The following SHISA9 variants were observed in gnomAD, a reference collection of about 807,000 sequenced individuals.
SHISA9 encodes protein shisa-9.
A neutral mutation model predicts 38.0 loss-of-function variants in SHISA9; 13 were observed. That is an observed-to-expected ratio of 0.34 (90% confidence interval 0.22 to 0.54). The LOEUF (loss-of-function observed/expected upper bound fraction) is 0.54, where lower values mean the gene tolerates loss of function less well. Ranked by LOEUF, SHISA9 falls within the 20% of genes least tolerant of loss-of-function variation. The probability of loss-of-function intolerance (pLI) is 0.91; values close to 1 mark genes in which losing one functional copy is unlikely to be tolerated. For missense variants in SHISA9, 538 were observed against 575.8 expected, an observed-to-expected ratio of 0.93 and a Z score of 0.67; for synonymous variants, 275 against 242.0, an observed-to-expected ratio of 1.14 and a Z score of -1.27.
chr16:13,149,956 G>A lies in SHISA9; in HGVS notation c.692-53438G>A, dbSNP rs368412034. On this transcript the variant is annotated intron_variant, in intron 2 of 4. Transcript: ENST00000558583. Reference sequence around the variant, plus strand: ...AAGAAAAAAAAAAAGGAAAAAAAAAGATAATCATGAAAAGAGCTTAGCACA... The same window carrying A: ...AAGAAAAAAAAAAAGGAAAAAAAAAAATAATCATGAAAAGAGCTTAGCACA... 7.0e-3 allele frequency among the ~76,000 whole-genome samples: 833 copies of A among 119,520 alleles called. 4 individuals carry two copies. Among genetic ancestry groups the A allele is most frequent in the Middle Eastern group, 0.025 (5 of 198 alleles). 78.4% of individuals were successfully genotyped at this position (119,520 alleles called of 152,430 possible).
rs141766278 is a variant in SHISA9 at position 13,142,534 on chromosome 16, A to T, written c.692-60860A>T. Reference sequence around the variant, plus strand: ...AACCGGTAGTCAATACTCAAACTCCAAGTCTTCATATAGAGTTGTCTGTAG... The same window carrying T: ...AACCGGTAGTCAATACTCAAACTCCTAGTCTTCATATAGAGTTGTCTGTAG... On this transcript the variant is annotated intron_variant, in intron 2 of 4. Transcript: ENST00000558583. Among the ~76,000 whole-genome samples the T allele has an allele frequency of 9.9e-5, 15 of 152,208 alleles. No homozygotes were observed. In the East Asian group the frequency reaches 2.7e-3, roughly 27 times the overall value.
chr16:13,060,695 A>G (rs142067790), intron 2 of SHISA9, among the ~76,000 whole-genome samples: 1 of 151,830 alleles, frequency 6.6e-6, no homozygotes, highest in African/African-American at 2.4e-5. Context: ...GGTGGAAGCA[A>G]TGATGTGGGT....
intron 3 of SHISA9, 49 bp downstream of exon 3, chr16:13,203,598 T>A (rs927599956): frequency 1.7e-5 from 24 of 1,412,826 alleles, no homozygotes; most frequent in Admixed American, 3.1e-5. Flanking sequence ...TTCGCTCTCC[T>A]TTGCTGCTTC....
the SHISA9 span, among the ~76,000 whole-genome samples, chr16:13,265,888 T>G: frequency 6.6e-6 from 1 of 152,154 alleles, no homozygotes; most frequent in African/African-American, 2.4e-5. Flanking sequence ...TCCCAAGTGT[T>G]CTGGGTATCA....
chr16:13,007,713 C>T (rs1287060176), intron 2 of SHISA9, among the ~76,000 whole-genome samples: 1 of 152,198 alleles, frequency 6.6e-6, no homozygotes, highest in African/African-American at 2.4e-5. Context: ...CTTCAGCATG[C>T]CTGCCTATGT....
chr16:13,029,359 AT>A (rs60318343), intron 2 of SHISA9, among the ~76,000 whole-genome samples: 16,402 of 152,290 alleles, frequency 0.11, 2,096 homozygotes, highest in African/African-American at 0.3. Flanking sequence ...TAATCCCAGC[AT>A]TTTGGGAGGC....
intron 1 of SHISA9, among the ~76,000 whole-genome samples, chr16:12,907,037 TCCCCCTTCCCCCTTC>T (rs2071106213): frequency 1.1e-5 from 1 of 87,802 alleles, no homozygotes; most frequent in Non-Finnish European, 3.3e-5. Context: ...CTTCCCTCCA[TCCCCCTTCCCCCTTC>T]CCTCCTTCCC....
chr16:13,407,610 T>G, the SHISA9 span, among the ~76,000 whole-genome samples: 2 of 152,200 alleles, frequency 1.3e-5, no homozygotes, highest in Non-Finnish European at 2.9e-5. Flanking sequence ...AGTAGAGTGT[T>G]TCATTCAGAT....
intron 2 of SHISA9, among the ~76,000 whole-genome samples, chr16:13,179,996 G>A (rs1239623304): frequency 2.0e-5 from 3 of 152,196 alleles, no homozygotes; most frequent in African/African-American, 2.4e-5. Flanking sequence ...GAGCTATCAG[G>A]TGGGTAGGAA....
At chr16:13,499,794 T>G in the SHISA9 span, among the ~76,000 whole-genome samples, 64 of 152,294 alleles carry the variant, frequency 4.2e-4, no homozygotes, top group African/African-American at 1.5e-3. Context: ...TTCAGCACAA[T>G]TTCTCTGAGT....
intron 2 of SHISA9, among the ~76,000 whole-genome samples, chr16:13,156,217 G>A (rs993318724): frequency 6.6e-6 from 1 of 152,122 alleles, no homozygotes. Flanking sequence ...ATAGAAAACC[G>A]TGTACACGCA....
the SHISA9 span, among the ~76,000 whole-genome samples, chr16:13,534,224 C>CTT: frequency 1.3e-4 from 16 of 125,820 alleles, no homozygotes; most frequent in African/African-American, 2.1e-4. Flanking sequence ...CACCATTTCA[C>CTT]TTTTTTTTTT....
At chr16:13,342,233 T>G in the SHISA9 span, among the ~76,000 whole-genome samples, 2 of 152,292 alleles carry the variant, frequency 1.3e-5, no homozygotes, top group South Asian at 4.1e-4. Flanking sequence ...AGCTGCCACA[T>G]CAGGGTCACA....
intron 2 of SHISA9, among the ~76,000 whole-genome samples, chr16:12,972,773 G>C (rs188372197): frequency 1.5e-3 from 230 of 152,328 alleles, no homozygotes; most frequent in Non-Finnish European, 2.4e-3. Flanking sequence ...AGGAAATAGT[G>C]AGGGTGTTGG....
At chr16:12,951,000 T>C (rs1274111359) in intron 2 of SHISA9, among the ~76,000 whole-genome samples, 1 of 149,456 alleles carries the variant, frequency 6.7e-6, no homozygotes, top group Non-Finnish European at 1.5e-5. Context: ...GGCGGGTGGA[T>C]CACTTGAGAT....
chr16:13,059,527 G>C (rs955241497), intron 2 of SHISA9, among the ~76,000 whole-genome samples: 6 of 152,106 alleles, frequency 3.9e-5, no homozygotes, highest in South Asian at 2.1e-4. Context: ...AGGTTCAGGT[G>C]GGGAGGGAGA....
chr16:13,167,320 C>T (rs747682805), intron 2 of SHISA9, among the ~76,000 whole-genome samples: 7 of 152,156 alleles, frequency 4.6e-5, no homozygotes, highest in Admixed American at 6.5e-5. Flanking sequence ...GATCCACCCA[C>T]CTTGGCCTCC....
At chr16:13,190,544 A>G (rs2050874643) in intron 2 of SHISA9, among the ~76,000 whole-genome samples, 1 of 152,210 alleles carries the variant, frequency 6.6e-6, no homozygotes, top group African/African-American at 2.4e-5. Flanking sequence ...CCTGCCTTCT[A>G]AAACTGGATT....
intron 2 of SHISA9, among the ~76,000 whole-genome samples, chr16:13,173,364 G>A (rs1174814923): frequency 1.4e-5 from 2 of 143,842 alleles, no homozygotes; most frequent in African/African-American, 5.4e-5. Flanking sequence ...GAAATGGCAT[G>A]TATGTGTGCA....
Sources: allele counts gnomAD v4.1 joint callset (sites outside exome capture counted in the v4.1 genomes callset), GRCh38; gene constraint gnomAD v4.1.1; transcripts MANE v1.5; gene names NCBI Gene and HGNC (gene_info 2026-07-23, HGNC 2026-07-21).